The following DNAH11 variants were observed in gnomAD, a reference collection of about 807,000 sequenced individuals.
DNAH11 encodes dynein axonemal heavy chain 11, also known as axonemal beta dynein heavy chain 11.
Under a neutral mutation model 526.0 loss-of-function variants are expected in DNAH11, and 442 were observed. The observed-to-expected ratio is 0.84, with a 90% confidence interval of 0.78 to 0.91. The LOEUF (loss-of-function observed/expected upper bound fraction) is 0.91. Ranked by LOEUF, DNAH11 falls within the 40% of genes least tolerant of loss-of-function variation. DNAH11 has a pLI of 0.00. For synonymous variants in DNAH11, 2,461 were observed against 1,935.9 expected (o/e 1.27, Z -7.12); for missense variants, 6,989 against 5,448.7 (o/e 1.28, Z -8.90).
intron 44 of DNAH11, among the ~76,000 whole-genome samples, chr7:21,722,918 C>T (rs1784938012): frequency 6.6e-6 from 1 of 152,148 alleles, no homozygotes; most frequent in Non-Finnish European, 1.5e-5. Context: ...AACCCCTCAC[C>T]TCCCTCCCAG....
intron 20 of DNAH11, among the ~76,000 whole-genome samples, chr7:21,607,724 G>A (rs1785351075): frequency 6.6e-6 from 1 of 151,840 alleles, no homozygotes; most frequent in East Asian, 1.9e-4. Flanking sequence ...GAGGTCAGGA[G>A]ATCAAGACCA....
chr7:21,787,284 C>A, intron 59 of DNAH11, 117 bp from the exon 60 acceptor site: 1 of 927,262 alleles, frequency 1.1e-6, no homozygotes, highest in Non-Finnish European at 1.6e-6. Flanking sequence ...AGGATAAATG[C>A]AGCTTGCCAA....
intron 42 of DNAH11, among the ~76,000 whole-genome samples, chr7:21,714,860 AAGTCTGATTACAAAAGACT>A (rs1257448767): frequency 2.0e-5 from 3 of 152,188 alleles, no homozygotes; most frequent in African/African-American, 7.2e-5. Context: ...CGTCATCCCT[AAGTCTGATTACAAAAGACT>A]AGATACTTCT....
intron 45 of DNAH11, among the ~76,000 whole-genome samples, chr7:21,733,135 G>T (rs36105386): frequency 0.14 from 21,105 of 152,192 alleles, 1,765 homozygotes; most frequent in African/African-American, 0.23. Context: ...GCCTGTAATT[G>T]CAGCGCTTTG....
chr7:21,576,933 A>G (rs1784118889), intron 8 of DNAH11, among the ~76,000 whole-genome samples: 1 of 152,218 alleles, frequency 6.6e-6, no homozygotes, highest in African/African-American at 2.4e-5. Flanking sequence ...ATAAAATAAC[A>G]GTATCTGAGA....
rs555816395 is a variant in DNAH11 at position 21,591,273 on chromosome 7, A to G, written c.2363A>G (p.Glu788Gly). Residue 788 changes from glutamate (E) to glycine (G), a missense_variant, in exon 14 of 82, where the codon GAG (glutamate) becomes GGG (glycine). Transcript: ENST00000409508. ...GTTGAATACCCTCTGATTGAAGATGAGCTGAGGGCTATTGACGAGCAGCTG... is the reference window on the plus strand; with the variant it reads ...GTTGAATACCCTCTGATTGAAGATGGGCTGAGGGCTATTGACGAGCAGCTG... ...LEVEYPLIEDELRAIDEQLTA... is the reference protein window; with the variant it reads ...LEVEYPLIEDGLRAIDEQLTA... The G allele has an allele frequency of 6.2e-7, 1 of 1,610,138 alleles. No individual in the cohort carries two copies. Among genetic ancestry groups the G allele is most frequent in the African/African-American group, 1.3e-5 (1 of 74,810 alleles).
chr7:21,589,184 A>G (rs374164354), intron 11 of DNAH11, 24 bp from the exon 12 acceptor site: 440 of 1,561,368 alleles, frequency 2.8e-4, no homozygotes, highest in Non-Finnish European at 3.4e-4. Context: ...CGTATAAACC[A>G]GTAGAAAAAC....
At chr7:21,801,614 T>C (rs1467976965) in intron 62 of DNAH11, among the ~76,000 whole-genome samples, 2 of 152,222 alleles carry the variant, frequency 1.3e-5, no homozygotes, top group African/African-American at 2.4e-5. Context: ...TTCTACTTTC[T>C]CTCTTCCTTT....
chr7:21,844,289 G>T (rs1454637925), intron 66 of DNAH11, among the ~76,000 whole-genome samples: 1 of 152,200 alleles, frequency 6.6e-6, no homozygotes, highest in Non-Finnish European at 1.5e-5. Context: ...AGCCAAGTGT[G>T]GTGGTGTGCA....
rs183685271 is a variant in DNAH11, at chr7:21,594,873, G to C, written c.2667+3296G>C. ...AGATTCTGGCTTTGGCTCACTCTGA[G>C]GTATGTGAAAGACACTGCAGAATTT... is the stretch of plus-strand genomic sequence containing the variant. On this transcript the variant is annotated intron_variant, in intron 14 of 81. Coordinates refer to ENST00000409508, the MANE Select transcript of DNAH11 (RefSeq NM_001277115.2). Among the ~76,000 whole-genome samples, 5 of 152,212 alleles carry C rather than the reference G, an allele frequency of 3.3e-5. No individual in the cohort carries two copies. The East Asian group carries it at 9.7e-4, about 30-fold the overall frequency.
In DNAH11 at chr7:21,658,901, G is replaced by A; in HGVS notation, c.5198G>A (p.Trp1733Ter). The A allele has an allele frequency of 1.9e-6, 3 of 1,610,130 alleles. No individual in the cohort carries two copies. Among genetic ancestry groups the A allele is most frequent in the Non-Finnish European group, 2.5e-6 (3 of 1,178,354 alleles). ...VAYEEKPREL[W>*]IFDFPAQVAL... ...TACGAGGAAAAACCTAGGGAACTGTGGATTTTTGATTTCCCAGCTCAGGTT... is the reference window on the plus strand; with the variant it reads ...TACGAGGAAAAACCTAGGGAACTGTAGATTTTTGATTTCCCAGCTCAGGTT... The change falls in exon 30 of 82, where the codon TGG becomes TAG. Residue 1733 changes from tryptophan (W) to a stop codon, truncating the protein, a stop_gained. Coordinates refer to ENST00000409508, the MANE Select transcript of DNAH11 (RefSeq NM_001277115.2). LOFTEE classifies it high-confidence loss of function.
intron 76 of DNAH11, among the ~76,000 whole-genome samples, chr7:21,888,650 G>T (rs1583814781): frequency 6.6e-6 from 1 of 151,814 alleles, no homozygotes; most frequent in East Asian, 1.9e-4. Flanking sequence ...CCACCACGCT[G>T]GGCTAATTTT....
intron 14 of DNAH11, among the ~76,000 whole-genome samples, chr7:21,593,211 A>G (rs963865693): frequency 6.6e-6 from 1 of 152,166 alleles, no homozygotes; most frequent in Non-Finnish European, 1.5e-5. Context: ...TTCAAGGAGG[A>G]GGAAGAGCTC....
intron 20 of DNAH11, among the ~76,000 whole-genome samples, chr7:21,607,701 G>T (rs547761642): frequency 5.9e-5 from 9 of 151,992 alleles, no homozygotes; most frequent in African/African-American, 1.9e-4. Flanking sequence ...GGGATTCGAG[G>T]TGGGCATATC....
chr7:21,812,946 C>G (rs1026961095), intron 63 of DNAH11, among the ~76,000 whole-genome samples: 2 of 152,042 alleles, frequency 1.3e-5, no homozygotes, highest in African/African-American at 4.8e-5. Context: ...TTGCTTAAGA[C>G]AAGCAGGTAG....
rs1313841156 is a variant in DNAH11 at position 21,635,042 on chromosome 7, CA to C, written c.4501-824del. 2.6e-5 allele frequency among the ~76,000 whole-genome samples: 4 copies of C among 152,134 alleles called. No individual in the cohort carries two copies. The East Asian group carries it at 7.7e-4, about 29-fold the overall frequency. On this transcript the variant is annotated intron_variant, in intron 25 of 81. Coordinates refer to ENST00000409508, the MANE Select transcript of DNAH11 (RefSeq NM_001277115.2). ...GCAACCAATACTTGAAAAAACAAAA[CA>C]AAAACAAGCACTGGTGATAGGAGAG...
intron 34 of DNAH11, among the ~76,000 whole-genome samples, chr7:21,688,773 G>A (rs186512036): frequency 6.6e-6 from 1 of 152,290 alleles, no homozygotes; most frequent in East Asian, 1.9e-4. Context: ...TCAACACAAT[G>A]CCACATTCCA....
intron 6 of DNAH11, among the ~76,000 whole-genome samples, chr7:21,567,582 C>T (rs542802371): frequency 1.3e-5 from 2 of 152,330 alleles, no homozygotes; most frequent in South Asian, 4.1e-4. Context: ...ACAGGCGCAG[C>T]CAGTGACTGT....
chr7:21,671,829 G>A (rs149837303), intron 30 of DNAH11, among the ~76,000 whole-genome samples: 2 of 152,284 alleles, frequency 1.3e-5, no homozygotes, highest in African/African-American at 4.8e-5. Context: ...AACCTGCAGA[G>A]AAAATCATAC....
Sources: gnomAD v4.1 joint callset for allele counts (sites outside exome capture counted in the v4.1 genomes callset) on GRCh38, gnomAD v4.1.1 for gene constraint, MANE v1.5 for transcripts, NCBI Gene and HGNC (gene_info 2026-07-23, HGNC 2026-07-21) for gene names.